AK9: variants seen among roughly 807,000 people sequenced by gnomAD.
The protein encoded by AK9 is adenylate kinase 9, also known as adenylate kinase domain containing 1.
AK9 carries 191 observed loss-of-function variants against 239.6 expected under a neutral mutation model. The ratio of observed to expected loss-of-function variants is 0.80; its 90% CI spans 0.71 to 0.90. The LOEUF (loss-of-function observed/expected upper bound fraction) is 0.90. Ranked by LOEUF, AK9 falls within the 40% of genes least tolerant of loss-of-function variation. The probability of loss-of-function intolerance (pLI) is 0.00; values close to 1 mark genes in which losing one functional copy is unlikely to be tolerated. For missense variants in AK9, 1,995 were observed against 2,214.7 expected (o/e 0.90, Z 1.99); for synonymous variants, 689 against 721.0 (o/e 0.96, Z 0.71).
chr6:109,617,622 A>G (rs891520417), intron 13 of AK9, among the ~76,000 whole-genome samples: 3 of 152,184 alleles, frequency 2.0e-5, no homozygotes, highest in African/African-American at 4.8e-5. Context: ...ATGAATTTAG[A>G]GATATATCTA....
chr6:109,522,459 A>G (rs1779971011), intron 29 of AK9, among the ~76,000 whole-genome samples: 1 of 151,264 alleles, frequency 6.6e-6, no homozygotes, highest in Non-Finnish European at 1.5e-5. Context: ...TTTCTTTTGT[A>G]TTTCCTATCT....
intron 32 of AK9, among the ~76,000 whole-genome samples, chr6:109,511,781 T>C (rs1778776389): frequency 6.6e-6 from 1 of 152,188 alleles, no homozygotes; most frequent in Admixed American, 6.5e-5. Flanking sequence ...GAAATCTGTT[T>C]TTTTTAAAGT....
intron 16 of AK9, among the ~76,000 whole-genome samples, chr6:109,611,390 C>A (rs1013189192): frequency 6.6e-6 from 1 of 152,150 alleles, no homozygotes; most frequent in East Asian, 1.9e-4. Flanking sequence ...GGCAAAGATG[C>A]GAAATGTGCT....
Position 109,650,121 on chromosome 6 carries a change from C to T in AK9, c.760-5433G>A, listed in dbSNP as rs570952144. ...AAAGACTTAAATGTTAGACCTAAAA[C>T]CATAAAAAACCTAGAAGAAAACCTA... On this transcript the variant is annotated intron_variant, in intron 8 of 40. Coordinates refer to ENST00000424296, the MANE Select transcript of AK9 (RefSeq NM_001145128.3). 1.5e-4 allele frequency among the ~76,000 whole-genome samples: 23 copies of T among 152,260 alleles called. No homozygotes were observed. The South Asian group carries it at 4.6e-3, about 30-fold the overall frequency.
intron 12 of AK9, among the ~76,000 whole-genome samples, chr6:109,624,677 G>A (rs1227571100): frequency 1.3e-5 from 2 of 152,096 alleles, no homozygotes; most frequent in African/African-American, 4.8e-5. Flanking sequence ...TCAAAGTGAT[G>A]TCCCTTCGTG....
intron 1 of AK9, among the ~76,000 whole-genome samples, chr6:109,678,841 G>C (rs1772167330): frequency 6.6e-6 from 1 of 152,140 alleles, no homozygotes; most frequent in Non-Finnish European, 1.5e-5. Flanking sequence ...GCCTCACCCA[G>C]GGAGTGCAAG....
intron 35 of AK9, among the ~76,000 whole-genome samples, chr6:109,506,053 C>T (rs2128104625): frequency 6.6e-6 from 1 of 152,272 alleles, no homozygotes; most frequent in South Asian, 2.1e-4. Flanking sequence ...GGCAAGCCCT[C>T]ATGATGTAAC....
chr6:109,547,625 T>C (rs1783734371), intron 25 of AK9, among the ~76,000 whole-genome samples: 1 of 152,092 alleles, frequency 6.6e-6, no homozygotes, highest in Admixed American at 6.6e-5. Flanking sequence ...CTACAGGACA[T>C]TGGTCTGGGC....
intron 25 of AK9, among the ~76,000 whole-genome samples, chr6:109,548,785 C>T (rs771729151): frequency 7.9e-5 from 12 of 152,186 alleles, no homozygotes; most frequent in Non-Finnish European, 1.5e-4. Context: ...ATTTTAAACA[C>T]ATGGGATCAG....
chr6:109,497,763 T>A, intron 37 of AK9, 33 bp downstream of exon 37: 1 of 1,594,224 alleles, frequency 6.3e-7, no homozygotes, highest in Non-Finnish European at 8.6e-7. Flanking sequence ...CGTAGCAATA[T>A]CATTCTATAC....
intron 29 of AK9, 149 bp from the exon 30 acceptor site, chr6:109,516,791 T>C: frequency 1.4e-6 from 1 of 705,072 alleles, no homozygotes; most frequent in South Asian, 2.0e-5. Flanking sequence ...AGGTTTTAAA[T>C]ATCTGACACT....
chr6:109,588,061 A>C (rs918091459), intron 17 of AK9, among the ~76,000 whole-genome samples: 1 of 150,746 alleles, frequency 6.6e-6, no homozygotes, highest in Non-Finnish European at 1.5e-5. Context: ...ACTTTTTTTC[A>C]TATGTTTGCT....
intron 21 of AK9, among the ~76,000 whole-genome samples, chr6:109,573,153 G>C (rs531572200): frequency 6.6e-6 from 1 of 152,170 alleles, no homozygotes; most frequent in East Asian, 1.9e-4. Context: ...AGGAAAAACC[G>C]TTATATTTTA....
intron 5 of AK9, among the ~76,000 whole-genome samples, chr6:109,664,141 C>A (rs1334223204): frequency 6.6e-6 from 1 of 152,112 alleles, no homozygotes; most frequent in African/African-American, 2.4e-5. Context: ...GATTTCTAAA[C>A]AGATATTTTT....
intron 12 of AK9, chr6:109,632,212 G>C: frequency 1.0e-6 from 1 of 985,420 alleles, no homozygotes; most frequent in South Asian, 4.7e-5. Context: ...ATACTCCGGC[G>C]CTTAAAAGAA....
intron 17 of AK9, among the ~76,000 whole-genome samples, chr6:109,596,543 C>A (rs1003584404): frequency 6.6e-6 from 1 of 152,148 alleles, no homozygotes; most frequent in African/African-American, 2.4e-5. Flanking sequence ...TGCTGCTGCA[C>A]CAAGATGTTT....
At chr6:109,614,341 T>C (rs766690935) in intron 14 of AK9, 44 bp downstream of exon 14, 3 of 1,548,656 alleles carry the variant, frequency 1.9e-6, no homozygotes, top group South Asian at 1.2e-5. Flanking sequence ...TCTATTTATA[T>C]TAGGGATGAT....
intron 19 of AK9, among the ~76,000 whole-genome samples, chr6:109,583,411 A>C (rs1789103833): frequency 6.6e-6 from 1 of 152,182 alleles, no homozygotes; most frequent in South Asian, 2.1e-4. Context: ...GCATGTCTTT[A>C]GATATTTGAT....
intron 17 of AK9, among the ~76,000 whole-genome samples, chr6:109,603,092 C>T (rs1792280861): frequency 6.6e-6 from 1 of 152,192 alleles, no homozygotes; most frequent in Non-Finnish European, 1.5e-5. Context: ...ATTCTCTGTC[C>T]AGCTTTGTTC....
Sources: allele counts gnomAD v4.1 joint callset (sites outside exome capture counted in the v4.1 genomes callset), GRCh38; gene constraint gnomAD v4.1.1; transcripts MANE v1.5; gene names NCBI Gene and HGNC (gene_info 2026-07-23, HGNC 2026-07-21).